The following RASA1 variants were observed in gnomAD, a reference collection of about 807,000 sequenced individuals.
RASA1 encodes the protein ras GTPase-activating protein 1.
A neutral mutation model predicts 132.2 loss-of-function variants in RASA1; 25 were observed. That is an observed-to-expected ratio of 0.19 (90% CI 0.14 to 0.26). The LOEUF (loss-of-function observed/expected upper bound fraction) is 0.26. Ranked by LOEUF, RASA1 falls within the 10% of genes least tolerant of loss-of-function variation. The pLI is 1.00. For missense variants in RASA1, 964 were observed against 1,299.2 expected, an observed-to-expected ratio of 0.74 and a Z score of 3.97; for synonymous variants, 477 against 449.9, an observed-to-expected ratio of 1.06 and a Z score of -0.76.
At chr5:87,269,287 G>C in intron 1 of RASA1, 1 of 1,536,442 alleles carries the variant, frequency 6.5e-7, no homozygotes, top group South Asian at 1.2e-5. Flanking sequence ...TCCAAGTTGA[G>C]GTGGTGTCCC....
At chr5:87,317,601 CT>C (rs1395673350) in intron 1 of RASA1, among the ~76,000 whole-genome samples, 3 of 150,862 alleles carry the variant, frequency 2.0e-5, no homozygotes, top group East Asian at 3.9e-4. Flanking sequence ...AAAAGATGAC[CT>C]TTTTCCCTAA....
At chr5:87,297,455 G>A (rs150205547) in intron 1 of RASA1, among the ~76,000 whole-genome samples, 20 of 152,264 alleles carry the variant, frequency 1.3e-4, no homozygotes, top group Admixed American at 5.9e-4. Flanking sequence ...CTGTGCTCCT[G>A]GACTGTGAAC....
intron 8 of RASA1, 34 bp from the exon 9 acceptor site, chr5:87,353,123 G>A (rs1197277477): frequency 4.5e-6 from 7 of 1,539,606 alleles, no homozygotes; most frequent in Non-Finnish European, 6.3e-6. Context: ...AGTTTTATGA[G>A]ACAGATTAAT....
intron 23 of RASA1, among the ~76,000 whole-genome samples, chr5:87,388,383 C>T (rs1419250564): frequency 6.6e-6 from 1 of 152,024 alleles, no homozygotes; most frequent in Non-Finnish European, 1.5e-5. Context: ...CATTTAGTGT[C>T]GATAATAAAG....
At chr5:87,269,233 G>A in intron 1 of RASA1, 1 of 1,551,280 alleles carries the variant, frequency 6.4e-7, no homozygotes, top group Non-Finnish European at 8.7e-7. Flanking sequence ...TGGAAAGCAT[G>A]AGAAAATGTG....
chr5:87,385,768 C>T (rs185720267), intron 22 of RASA1, among the ~76,000 whole-genome samples: 1 of 151,630 alleles, frequency 6.6e-6, no homozygotes, highest in Non-Finnish European at 1.5e-5. Flanking sequence ...ATTGTACTAT[C>T]TAAGGATAAT....
At chr5:87,375,732 C>T (rs554448505) in intron 15 of RASA1, among the ~76,000 whole-genome samples, 9 of 152,224 alleles carry the variant, frequency 5.9e-5, no homozygotes, top group South Asian at 2.1e-4. Flanking sequence ...TGAGATTTAC[C>T]AGTTCACATC....
At chr5:87,275,937 C>T (rs1413311517) in intron 1 of RASA1, among the ~76,000 whole-genome samples, 34 of 152,058 alleles carry the variant, frequency 2.2e-4, no homozygotes, top group Admixed American at 1.5e-3. Flanking sequence ...CCTAGTGTGC[C>T]GGTATTTATC....
chr5:87,327,667 A>G (rs1436559248), intron 1 of RASA1, among the ~76,000 whole-genome samples: 1 of 152,086 alleles, frequency 6.6e-6, no homozygotes, highest in Non-Finnish European at 1.5e-5. Flanking sequence ...CATTCTTTTC[A>G]CATGTCAGAA....
Position 87,268,864 on chromosome 5 carries a change from C to T in RASA1, c.413C>T (p.Pro138Leu). The change falls in exon 1 of 25, where the codon CCC becomes CTC. Residue 138 changes from proline (P) to leucine (L), a missense_variant. Transcript: ENST00000274376. The stretch of plus-strand genomic sequence containing the variant: ...CCAGGCGGCGGTTTTCCCCCTCTGC[C>T]CCCTCCCCCTTACCTGCCCCCTTTG... ...LGPGGGFPPL[P>L]PPPYLPPLGA... The T allele has an allele frequency of 3.1e-6, 5 of 1,614,124 alleles. No individual in the cohort carries two copies. The highest frequency in any genetic ancestry group is 4.2e-6 in the Non-Finnish European group (5 of 1,180,026).
intron 1 of RASA1, among the ~76,000 whole-genome samples, chr5:87,292,022 G>C (rs1478642768): frequency 6.6e-6 from 1 of 152,076 alleles, no homozygotes; most frequent in Non-Finnish European, 1.5e-5. Flanking sequence ...AATCAGGTTT[G>C]TTTTCTTATT....
At chr5:87,282,892 A>G (rs559690560) in intron 1 of RASA1, among the ~76,000 whole-genome samples, 6 of 152,142 alleles carry the variant, frequency 3.9e-5, no homozygotes, top group Non-Finnish European at 5.9e-5. Context: ...TGTACAACAG[A>G]TATTTTGATA....
chr5:87,289,085 AT>A (rs1452398874), intron 1 of RASA1, among the ~76,000 whole-genome samples: 1 of 152,106 alleles, frequency 6.6e-6, no homozygotes, highest in African/African-American at 2.4e-5. Flanking sequence ...GTCTCCTTTA[AT>A]CTAGAACAGT....
At chr5:87,298,581 A>G (rs1488692547) in intron 1 of RASA1, among the ~76,000 whole-genome samples, 1 of 152,268 alleles carries the variant, frequency 6.6e-6, no homozygotes, top group African/African-American at 2.4e-5. Context: ...GGGGATAGCA[A>G]ATTAAAGGGA....
chr5:87,385,518 ATGTT>A, intron 22 of RASA1, 129 bp downstream of exon 22: 1 of 738,050 alleles, frequency 1.4e-6, no homozygotes, highest in Non-Finnish European at 2.3e-6. Context: ...TTTTGTTGGT[ATGTT>A]TGTTTTTAAA....
At chr5:87,336,189 C>T (rs973719980) in intron 4 of RASA1, among the ~76,000 whole-genome samples, 3 of 152,094 alleles carry the variant, frequency 2.0e-5, no homozygotes, top group African/African-American at 2.4e-5. Flanking sequence ...GTGATATTCT[C>T]ACTAAATTTG....
chr5:87,308,170 C>G (rs958293731), intron 1 of RASA1, among the ~76,000 whole-genome samples: 1 of 151,798 alleles, frequency 6.6e-6, no homozygotes, highest in African/African-American at 2.4e-5. Context: ...GTTGAAAGTT[C>G]TGCTGGATTG....
chr5:87,299,391 G>C (rs1056039448), intron 1 of RASA1, among the ~76,000 whole-genome samples: 1 of 152,080 alleles, frequency 6.6e-6, no homozygotes, highest in East Asian at 1.9e-4. Context: ...GTTAATTTAA[G>C]TTCCTCATGA....
At chr5:87,370,881 A>G (rs1760884425) in intron 12 of RASA1, among the ~76,000 whole-genome samples, 1 of 152,146 alleles carries the variant, frequency 6.6e-6, no homozygotes, top group East Asian at 1.9e-4. Context: ...ATAAACCTGA[A>G]TGAGCTTACA....
Sources: allele counts gnomAD v4.1 joint callset (sites outside exome capture counted in the v4.1 genomes callset), GRCh38; gene constraint gnomAD v4.1.1; transcripts MANE v1.5; gene names NCBI Gene and HGNC (gene_info 2026-07-23, HGNC 2026-07-21).